Variants in PLXDC2 observed in about 807,000 individuals in gnomAD.
PLXDC2 encodes plexin domain containing 2.
Under a neutral mutation model 68.9 loss-of-function variants are expected in PLXDC2, and 40 were observed. That is an observed-to-expected ratio of 0.58 (90% confidence interval 0.45 to 0.76). The LOEUF is 0.76. PLXDC2 is among the 30% of genes least tolerant of loss of function. The pLI is 0.00. For synonymous variants in PLXDC2, 243 were observed against 234.2 expected, an observed-to-expected ratio of 1.04 and a Z score of -0.34; for missense variants, 644 against 661.9, an observed-to-expected ratio of 0.97 and a Z score of 0.30.
chr10:20,169,235 CA>C (rs1267241307), intron 7 of PLXDC2, among the ~76,000 whole-genome samples: 1 of 151,892 alleles, frequency 6.6e-6, no homozygotes, highest in Non-Finnish European at 1.5e-5. Flanking sequence ...TGTATTTTGA[CA>C]AATTGCTTTC....
intron 13 of PLXDC2, among the ~76,000 whole-genome samples, chr10:20,253,611 A>G (rs541326770): frequency 6.6e-6 from 1 of 152,218 alleles, no homozygotes; most frequent in African/African-American, 2.4e-5. Context: ...CAAAATCAGG[A>G]TACCAAAGCA....
intron 4 of PLXDC2, among the ~76,000 whole-genome samples, chr10:20,109,893 A>T (rs997710180): frequency 6.6e-6 from 1 of 152,218 alleles, no homozygotes; most frequent in East Asian, 1.9e-4. Context: ...TGCTAAACGG[A>T]GGAATAAATG....
chr10:19,926,205 G>A (rs1833535128), intron 1 of PLXDC2, among the ~76,000 whole-genome samples: 1 of 152,134 alleles, frequency 6.6e-6, no homozygotes, highest in African/African-American at 2.4e-5. Context: ...TTATGAATCT[G>A]TGACTTTCTA....
intron 1 of PLXDC2, among the ~76,000 whole-genome samples, chr10:19,849,542 A>G (rs372912721): frequency 6.6e-6 from 1 of 152,154 alleles, no homozygotes; most frequent in East Asian, 1.9e-4. Flanking sequence ...CTATCCCATG[A>G]TAGTGATCTG....
chr10:20,178,552 T>G (rs1834559568), intron 9 of PLXDC2, among the ~76,000 whole-genome samples: 1 of 152,172 alleles, frequency 6.6e-6, no homozygotes, highest in African/African-American at 2.4e-5. Flanking sequence ...ATATTCATGC[T>G]GTTAATCCGT....
chr10:20,264,112 C>A (rs1405928021), intron 13 of PLXDC2, among the ~76,000 whole-genome samples: 1 of 44,576 alleles, frequency 2.2e-5, no homozygotes, highest in East Asian at 2.9e-4. Context: ...GGTACATGTG[C>A]ACCATGGAAT....
intron 12 of PLXDC2, among the ~76,000 whole-genome samples, chr10:20,219,418 G>C (rs1157407067): frequency 6.6e-6 from 1 of 152,160 alleles, no homozygotes; most frequent in Non-Finnish European, 1.5e-5. Context: ...CACAGCTACA[G>C]GTATTGGGTT....
intron 4 of PLXDC2, among the ~76,000 whole-genome samples, chr10:20,073,351 T>A (rs1836373933): frequency 6.6e-6 from 1 of 152,224 alleles, no homozygotes; most frequent in Non-Finnish European, 1.5e-5. Flanking sequence ...AGATAATGTC[T>A]CATGTTATTG....
At chr10:20,233,086 C>G (rs2131880354) in intron 12 of PLXDC2, among the ~76,000 whole-genome samples, 1 of 152,074 alleles carries the variant, frequency 6.6e-6, no homozygotes, top group East Asian at 1.9e-4. Context: ...TTTAACATTT[C>G]TGATCATGTG....
rs1256814701 is a variant in PLXDC2, at chr10:20,073,292, A to AG, written c.541+5053_541+5054insG. ...TTTGCCATTTCCCTTATTTCCTTGA[A>AG]ATCTATCTCTCTCCACACAGACACA... On this transcript the variant is annotated intron_variant, in intron 4 of 13. Coordinates refer to ENST00000377252, the MANE Select transcript of PLXDC2 (RefSeq NM_032812.9). Among the ~76,000 whole-genome samples, 11 of 152,294 alleles carry AG rather than the reference A, an allele frequency of 7.2e-5. No individual in the cohort carries two copies. In the East Asian group the frequency reaches 2.1e-3, roughly 29 times the overall value.
At chr10:20,059,722 G>C (rs555087773) in intron 3 of PLXDC2, among the ~76,000 whole-genome samples, 2 of 152,188 alleles carry the variant, frequency 1.3e-5, no homozygotes, top group African/African-American at 4.8e-5. Flanking sequence ...TCAGGGACTG[G>C]ATTAATGACC....
chr10:20,084,872 TG>T (rs1163017094), intron 4 of PLXDC2, among the ~76,000 whole-genome samples: 1 of 118,196 alleles, frequency 8.5e-6, no homozygotes, highest in Non-Finnish European at 1.6e-5. Flanking sequence ...ACGAAGGCCG[TG>T]GCAGAGGAAA....
intron 10 of PLXDC2, among the ~76,000 whole-genome samples, chr10:20,215,036 G>A (rs1387777049): frequency 6.6e-6 from 1 of 152,148 alleles, no homozygotes; most frequent in Non-Finnish European, 1.5e-5. Context: ...GCAGTCATGG[G>A]TGTAGAAGAG....
intron 12 of PLXDC2, among the ~76,000 whole-genome samples, chr10:20,222,934 G>A (rs900966691): frequency 3.9e-5 from 6 of 152,160 alleles, no homozygotes; most frequent in Non-Finnish European, 7.4e-5. Flanking sequence ...AGAGTAATAC[G>A]TAGGTATAAT....
intron 1 of PLXDC2, among the ~76,000 whole-genome samples, chr10:19,896,555 G>A (rs774725212): frequency 4.6e-5 from 7 of 152,088 alleles, no homozygotes; most frequent in Non-Finnish European, 8.8e-5. Flanking sequence ...TATTAATATC[G>A]TCATAACAAG....
At chr10:20,189,509 A>G (rs947341839) in intron 9 of PLXDC2, among the ~76,000 whole-genome samples, 1 of 124,886 alleles carries the variant, frequency 8.0e-6, no homozygotes, top group Non-Finnish European at 1.7e-5. Context: ...ATATATACAC[A>G]TACACACACA....
chr10:19,895,102 A>G (rs1343197100), intron 1 of PLXDC2, among the ~76,000 whole-genome samples: 1 of 152,222 alleles, frequency 6.6e-6, no homozygotes, highest in Non-Finnish European at 1.5e-5. Context: ...CAGCCATAAA[A>G]AAGGATGAGT....
chr10:19,908,279 A>G (rs1833203301), intron 1 of PLXDC2, among the ~76,000 whole-genome samples: 1 of 152,202 alleles, frequency 6.6e-6, no homozygotes, highest in African/African-American at 2.4e-5. Context: ...AAATTGAAAT[A>G]GGACATTTTA....
intron 6 of PLXDC2, among the ~76,000 whole-genome samples, chr10:20,157,620 A>G (rs540475740): frequency 1.1e-4 from 17 of 152,228 alleles, no homozygotes; most frequent in Admixed American, 9.2e-4. Flanking sequence ...AGAAGAGAGG[A>G]GCTTCTGTCT....
Sources: allele counts gnomAD v4.1 joint callset (sites outside exome capture counted in the v4.1 genomes callset), GRCh38; gene constraint gnomAD v4.1.1; transcripts MANE v1.5; gene names NCBI Gene and HGNC (gene_info 2026-07-23, HGNC 2026-07-21).